PPP2CB: variants seen among roughly 807,000 people sequenced by gnomAD.
PPP2CB encodes the protein serine/threonine-protein phosphatase 2A catalytic subunit beta isoform.
Under a neutral mutation model 39.1 loss-of-function variants are expected in PPP2CB, and 18 were observed. The ratio of observed to expected loss-of-function variants is 0.46; its 90% confidence interval spans 0.32 to 0.68. PPP2CB has a LOEUF of 0.68. Ranked by LOEUF, PPP2CB falls within the 30% of genes least tolerant of loss-of-function variation. PPP2CB has a pLI of 0.04. For missense variants in PPP2CB, 226 were observed against 396.9 expected (o/e 0.57, Z 3.66); for synonymous variants, 129 against 133.8 (o/e 0.96, Z 0.25).
At chr8:30,789,388 C>T (rs916471892) in intron 6 of PPP2CB, among the ~76,000 whole-genome samples, 1 of 152,176 alleles carries the variant, frequency 6.6e-6, no homozygotes, top group East Asian at 1.9e-4. Context: ...TCTGGGTAGG[C>T]ATAAGCCACT....
intron 1 of PPP2CB, among the ~76,000 whole-genome samples, chr8:30,800,171 G>A (rs1014670348): frequency 4.6e-5 from 7 of 152,182 alleles, no homozygotes; most frequent in South Asian, 4.1e-4. Flanking sequence ...TTGATCAACC[G>A]ATGAATGGAC....
At chr8:30,800,378 T>A (rs912856728) in intron 1 of PPP2CB, among the ~76,000 whole-genome samples, 1 of 152,196 alleles carries the variant, frequency 6.6e-6, no homozygotes, top group African/African-American at 2.4e-5. Flanking sequence ...AAAAGAATAA[T>A]CTTATTATTC....
chr8:30,807,363 C>T (rs1008563093), intron 1 of PPP2CB, among the ~76,000 whole-genome samples: 3 of 152,178 alleles, frequency 2.0e-5, no homozygotes, highest in African/African-American at 7.2e-5. Flanking sequence ...AGAATCTAAT[C>T]TTCATTAAGA....
In PPP2CB at chr8:30,812,677, A is replaced by G. The variant is rs2128763534; in HGVS notation, c.-256T>C. On this transcript the variant is annotated 5_prime_UTR_variant, in exon 1 of 7. Transcript: ENST00000221138. ...TCCCCGCCCGGCCGCGCGCCGCGGG[A>G]GTCGGTGAAGGACGCGGTGAGGTGC... The G allele has an allele frequency of 8.3e-6, 3 of 359,418 alleles. No homozygotes were observed. Among genetic ancestry groups the G allele is most frequent in the South Asian group, 7.8e-5 (3 of 38,658 alleles). 22.3% of individuals were successfully genotyped at this position (359,418 alleles called of 1,614,324 possible). A position where few individuals can be genotyped will look rare whatever the true frequency, so the allele number is the denominator to read the frequency against.
intron 1 of PPP2CB, among the ~76,000 whole-genome samples, chr8:30,808,164 T>A (rs943935517): frequency 2.0e-5 from 3 of 152,148 alleles, no homozygotes; most frequent in Non-Finnish European, 4.4e-5. Flanking sequence ...GCAGTGGCGA[T>A]CTCGGCTCAC....
At chr8:30,789,571 G>GT (rs1391423195) in intron 6 of PPP2CB, among the ~76,000 whole-genome samples, 1 of 152,182 alleles carries the variant, frequency 6.6e-6, no homozygotes, top group East Asian at 1.9e-4. Flanking sequence ...ACTGCACTCA[G>GT]TCCAGAGAGG....
intron 3 of PPP2CB, 76 bp downstream of exon 3, chr8:30,797,505 C>G: frequency 7.2e-7 from 1 of 1,396,924 alleles, no homozygotes; most frequent in South Asian, 1.4e-5. Context: ...TCATATGAAT[C>G]TAGACCCCAG....
At chr8:30,793,794 G>GT in intron 5 of PPP2CB, 123 bp downstream of exon 5, 1 of 1,177,140 alleles carries the variant, frequency 8.5e-7, no homozygotes, top group Non-Finnish European at 1.1e-6. Context: ...AAACCAGCAA[G>GT]TTTTTCCTCT....
chr8:30,802,946 G>C (rs1806651062), intron 1 of PPP2CB, among the ~76,000 whole-genome samples: 2 of 152,192 alleles, frequency 1.3e-5, no homozygotes, highest in Admixed American at 1.3e-4. Flanking sequence ...CTGTTGGAGA[G>C]ACTCCAAATA....
Position 30,812,611 on chromosome 8 carries a change from G to T in PPP2CB, c.-190C>A, listed in dbSNP as rs1024284960. The T allele has an allele frequency of 1.2e-5, 4 of 339,508 alleles. No individual in the cohort carries two copies. Among genetic ancestry groups the T allele is most frequent in the African/African-American group, 6.6e-5 (3 of 45,554 alleles). The allele number at this position is 339,508 out of a possible 1,614,324, so 21.0% of individuals were successfully genotyped here. On this transcript the variant is annotated 5_prime_UTR_variant, in exon 1 of 7. Coordinates refer to ENST00000221138, the MANE Select transcript of PPP2CB (RefSeq NM_001009552.2). The stretch of plus-strand genomic sequence containing the variant: ...CGCGCCCCGCCCAAGCCCAGCAGGC[G>T]GCTCCGAGCGCGCAGCCTGGAGGAG...
chr8:30,791,951 C>A (rs182759668), intron 5 of PPP2CB, among the ~76,000 whole-genome samples: 6 of 142,290 alleles, frequency 4.2e-5, no homozygotes, highest in African/African-American at 1.7e-4. Flanking sequence ...TGTATGTGTG[C>A]GCATATATGT....
At chr8:30,805,780 G>A (rs887270347) in intron 1 of PPP2CB, among the ~76,000 whole-genome samples, 6 of 152,116 alleles carry the variant, frequency 3.9e-5, no homozygotes, top group African/African-American at 1.4e-4. Context: ...GATCTCCAAT[G>A]GAGTCTTCCA....
chr8:30,790,965 G>C, intron 6 of PPP2CB: 1 of 394,440 alleles, frequency 2.5e-6, no homozygotes, highest in South Asian at 3.5e-5. Flanking sequence ...CTGAGATTTA[G>C]TAGGTTTTCT....
intron 6 of PPP2CB, among the ~76,000 whole-genome samples, chr8:30,787,903 T>C (rs577562018): frequency 1.3e-5 from 2 of 152,306 alleles, no homozygotes; most frequent in South Asian, 2.1e-4. Flanking sequence ...TCAGATTTCA[T>C]ATTTCTTGAG....
chr8:30,807,954 A>T (rs1477456487), intron 1 of PPP2CB, among the ~76,000 whole-genome samples: 1 of 152,208 alleles, frequency 6.6e-6, no homozygotes. Context: ...GCAGAAATTA[A>T]CCTTGGAAGC....
chr8:30,790,668 C>G (rs908202753), intron 6 of PPP2CB, among the ~76,000 whole-genome samples: 2 of 152,212 alleles, frequency 1.3e-5, no homozygotes, highest in Non-Finnish European at 2.9e-5. Flanking sequence ...AGAGCTTCTG[C>G]CCCAGGAGCT....
At position 30,790,992 on chromosome 8, in the gene PPP2CB, C is replaced by T. The variant is rs1475496663; in HGVS notation, c.857+205G>A. The stretch of plus-strand genomic sequence containing the variant: ...AGGTTTTCTTGAATTAACTGTTTCT[C>T]CACCTGCTGTATGCCCTTAGGACAA... On this transcript the variant is annotated intron_variant, in intron 6 of 6. Coordinates refer to ENST00000221138, the MANE Select transcript of PPP2CB (RefSeq NM_001009552.2). The T allele has an allele frequency of 2.0e-5, 9 of 450,428 alleles. 1 individual carries two copies. The East Asian group carries it at 3.7e-4, about 19-fold the overall frequency. The allele number at this position is 450,428 out of a possible 1,614,324, so 27.9% of individuals were successfully genotyped here. A position where few individuals can be genotyped will look rare whatever the true frequency, so the allele number is the denominator to read the frequency against.
intron 1 of PPP2CB, among the ~76,000 whole-genome samples, chr8:30,805,179 A>G (rs1251363120): frequency 6.6e-6 from 1 of 152,218 alleles, no homozygotes; most frequent in Non-Finnish European, 1.5e-5. Flanking sequence ...GAATACACTG[A>G]ACCAATTCTG....
chr8:30,812,413 G>A lies in PPP2CB; in HGVS notation c.9C>T (p.Asp3=), dbSNP rs1265371823. 6.5e-7 allele frequency: 1 copy of A among 1,537,208 alleles called. No individual in the cohort carries two copies. Among genetic ancestry groups the A allele is most frequent in the Non-Finnish European group, 8.8e-7 (1 of 1,138,510 alleles). The change falls in exon 1 of 7, where the codon GAC becomes GAT. Residue 3 remains aspartate (D), a synonymous_variant. Transcript: ENST00000221138. ...GGTCCAGCTCCTTGGTGAACGCCTT[G>A]TCGTCCATGGCGGCCCGATCCCGAT... The part of the protein sequence containing the change: MD[D]KAFTKELDQW...
Sources: gnomAD v4.1 joint callset for allele counts (sites outside exome capture counted in the v4.1 genomes callset) on GRCh38, gnomAD v4.1.1 for gene constraint, MANE v1.5 for transcripts, NCBI Gene and HGNC (gene_info 2026-07-23, HGNC 2026-07-21) for gene names.